EYS: variants seen among roughly 807,000 people sequenced by gnomAD.
The protein encoded by EYS is protein eyes shut homolog.
A neutral mutation model predicts 282.1 loss-of-function variants in EYS; 250 were observed. The ratio of observed to expected loss-of-function variants is 0.89; its 90% CI spans 0.80 to 0.98. EYS has a LOEUF of 0.98. Among genes scored for constraint, EYS ranks in the 50% least tolerant of loss-of-function variants. EYS has a pLI of 0.00. For synonymous variants in EYS, 1,355 were observed against 1,282.9 expected (o/e 1.06, Z -1.20); for missense variants, 4,016 against 3,709.0 (o/e 1.08, Z -2.15).
At chr6:64,785,240 A>T (rs1018698583) in intron 22 of EYS, among the ~76,000 whole-genome samples, 6 of 151,986 alleles carry the variant, frequency 3.9e-5, no homozygotes, top group Non-Finnish European at 8.8e-5. Flanking sequence ...AGCCCTAGGG[A>T]TTTCTTTCTT....
chr6:63,754,108 C>G (rs757217623), intron 41 of EYS, among the ~76,000 whole-genome samples: 1 of 152,094 alleles, frequency 6.6e-6, no homozygotes, highest in Non-Finnish European at 1.5e-5. Context: ...AAATTATATA[C>G]TCACATTTAA....
At chr6:65,258,689 T>A (rs2150256504) in intron 12 of EYS, among the ~76,000 whole-genome samples, 1 of 152,230 alleles carries the variant, frequency 6.6e-6, no homozygotes, top group East Asian at 1.9e-4. Context: ...AGAGAAATTT[T>A]GCGGTGGAAT....
At chr6:63,938,320 A>T (rs1046899022) in intron 35 of EYS, among the ~76,000 whole-genome samples, 5 of 152,204 alleles carry the variant, frequency 3.3e-5, no homozygotes, top group African/African-American at 1.2e-4. Context: ...TAAAATAACT[A>T]GTCCTTATAG....
intron 23 of EYS, among the ~76,000 whole-genome samples, chr6:64,623,624 G>GA: frequency 6.6e-6 from 1 of 152,084 alleles, no homozygotes; most frequent in Non-Finnish European, 1.5e-5. Flanking sequence ...CAGAGGTGCT[G>GA]AAAAAAGGTA....
chr6:64,633,990 G>C (rs186313010), intron 22 of EYS, among the ~76,000 whole-genome samples: 5 of 152,126 alleles, frequency 3.3e-5, no homozygotes, highest in Admixed American at 2.6e-4. Context: ...TTGTTTCTTT[G>C]TTTGTTTGTT....
chr6:65,598,815 C>A (rs934097960), intron 2 of EYS, among the ~76,000 whole-genome samples: 2 of 152,074 alleles, frequency 1.3e-5, no homozygotes, highest in Non-Finnish European at 2.9e-5. Flanking sequence ...CTGTCACTTA[C>A]TAAGTCTTTA....
At chr6:65,616,074 ACTCT>A (rs1766189908) in intron 2 of EYS, among the ~76,000 whole-genome samples, 1 of 67,016 alleles carries the variant, frequency 1.5e-5, no homozygotes, top group Non-Finnish European at 5.7e-5. Flanking sequence ...TTAAACATTT[ACTCT>A]TACAGTTTTT....
chr6:64,065,731 T>C (rs920286680), intron 33 of EYS, among the ~76,000 whole-genome samples: 3 of 152,214 alleles, frequency 2.0e-5, no homozygotes, highest in African/African-American at 7.2e-5. Flanking sequence ...CTTGATGCTT[T>C]AATTTATTTG....
intron 28 of EYS, among the ~76,000 whole-genome samples, chr6:64,424,813 G>C (rs1206294094): frequency 6.6e-6 from 1 of 152,130 alleles, no homozygotes; most frequent in Non-Finnish European, 1.5e-5. Flanking sequence ...GTCTGGTTAG[G>C]AATATAGAAA....
rs184595623 is a variant in EYS, at chr6:64,420,733, T to G, written c.5927+15441A>C. ...TCTCTCATGTTTAAAGTTCCACAGATCTCTTGGGTAGGGACAAAATGCTGC... is the reference window on the plus strand; with the variant it reads ...TCTCTCATGTTTAAAGTTCCACAGAGCTCTTGGGTAGGGACAAAATGCTGC... On this transcript the variant is annotated intron_variant, in intron 28 of 42. Coordinates refer to ENST00000503581, the MANE Select transcript of EYS (RefSeq NM_001142800.2). Among the ~76,000 whole-genome samples the G allele has an allele frequency of 2.0e-3, 307 of 152,218 alleles. 1 individual carries two copies. Among genetic ancestry groups the G allele is most frequent in the Non-Finnish European group, 5.1e-4 (35 of 68,000 alleles).
At chr6:64,396,129 TTA>T (rs1444134120) in intron 28 of EYS, among the ~76,000 whole-genome samples, 2 of 151,934 alleles carry the variant, frequency 1.3e-5, no homozygotes, top group African/African-American at 4.8e-5. Context: ...TCATTCAACA[TTA>T]TGTTTTTGAG....
chr6:64,072,618 T>C (rs980696500), intron 32 of EYS, among the ~76,000 whole-genome samples: 2 of 151,872 alleles, frequency 1.3e-5, no homozygotes, highest in African/African-American at 2.4e-5. Context: ...GGTTATATTA[T>C]AAAATGGCAT....
chr6:64,218,789 A>G (rs373467504), intron 31 of EYS, among the ~76,000 whole-genome samples: 8 of 152,306 alleles, frequency 5.3e-5, no homozygotes, highest in South Asian at 2.1e-4. Context: ...GTTATTGAAG[A>G]AAGTGAGAAT....
At chr6:65,464,275 A>G (rs1352194569) in intron 5 of EYS, among the ~76,000 whole-genome samples, 1 of 152,162 alleles carries the variant, frequency 6.6e-6, no homozygotes, top group Non-Finnish European at 1.5e-5. Context: ...ACAGTTTGTA[A>G]GATTAGATAT....
At chr6:63,897,397 A>G (rs1020880636) in intron 35 of EYS, among the ~76,000 whole-genome samples, 1 of 152,170 alleles carries the variant, frequency 6.6e-6, no homozygotes, top group Admixed American at 6.5e-5. Flanking sequence ...GAATGCTATT[A>G]CAAGGATCCT....
intron 22 of EYS, among the ~76,000 whole-genome samples, chr6:64,787,513 A>G (rs1733488086): frequency 6.6e-6 from 1 of 151,582 alleles, no homozygotes; most frequent in African/African-American, 2.4e-5. Flanking sequence ...TTTCATTTGA[A>G]AATTTGAAAT....
intron 12 of EYS, among the ~76,000 whole-genome samples, chr6:65,105,997 C>G (rs1302788746): frequency 6.6e-6 from 1 of 151,886 alleles, no homozygotes; most frequent in Non-Finnish European, 1.5e-5. Context: ...GGAATACCAA[C>G]AAAGGTGTTA....
At chr6:65,043,505 T>C (rs1235911176) in intron 13 of EYS, among the ~76,000 whole-genome samples, 1 of 151,470 alleles carries the variant, frequency 6.6e-6, no homozygotes, top group Non-Finnish European at 1.5e-5. Flanking sequence ...TGCCTCTTTT[T>C]GAAGCTTTGT....
At chr6:64,367,669 G>A (rs368604897) in intron 29 of EYS, among the ~76,000 whole-genome samples, 3 of 151,910 alleles carry the variant, frequency 2.0e-5, no homozygotes, top group Admixed American at 6.6e-5. Flanking sequence ...TGGGGTCTAC[G>A]GGGATGAGAT....
Sources: gnomAD v4.1 joint callset for allele counts (sites outside exome capture counted in the v4.1 genomes callset) on GRCh38, gnomAD v4.1.1 for gene constraint, MANE v1.5 for transcripts, NCBI Gene and HGNC (gene_info 2026-07-23, HGNC 2026-07-21) for gene names.